The following TPD52 variants were observed in gnomAD, a reference collection of about 807,000 sequenced individuals.
TPD52 encodes the protein prostate and colon associated protein.
TPD52 carries 17 observed loss-of-function variants against 31.3 expected under a neutral mutation model. The observed-to-expected ratio is 0.54, with a 90% CI of 0.37 to 0.82. The LOEUF (loss-of-function observed/expected upper bound fraction) is 0.82. Ranked by LOEUF, TPD52 falls within the 40% of genes least tolerant of loss-of-function variation. TPD52 has a pLI of 0.00. For synonymous variants in TPD52, 83 were observed against 89.6 expected, an observed-to-expected ratio of 0.93 and a Z score of 0.42; for missense variants, 212 against 240.1, an observed-to-expected ratio of 0.88 and a Z score of 0.77.
At chr8:80,072,558 C>A (rs1813974171) in intron 1 of TPD52, among the ~76,000 whole-genome samples, 2 of 47,916 alleles carry the variant, frequency 4.2e-5, no homozygotes, top group South Asian at 1.5e-3. Flanking sequence ...CGTGTATATA[C>A]ATGTACACAT....
At chr8:80,107,087 G>A (rs1306355452) in intron 1 of TPD52, among the ~76,000 whole-genome samples, 6 of 151,842 alleles carry the variant, frequency 4.0e-5, no homozygotes, top group South Asian at 4.2e-4. Flanking sequence ...TCCTGACCTC[G>A]TGATCCGCCC....
chr8:80,077,191 C>T (rs1368113239), intron 1 of TPD52, among the ~76,000 whole-genome samples: 1 of 151,400 alleles, frequency 6.6e-6, no homozygotes, highest in Non-Finnish European at 1.5e-5. Flanking sequence ...AGAAGAATCG[C>T]TTAAACCCGG....
chr8:80,133,707 A>G (rs919349075), intron 1 of TPD52, among the ~76,000 whole-genome samples: 4 of 151,886 alleles, frequency 2.6e-5, no homozygotes, highest in Non-Finnish European at 5.9e-5. Flanking sequence ...GGAGCCCTAC[A>G]GAAACTATCT....
At chr8:80,137,212 G>A (rs563899767) in intron 1 of TPD52, among the ~76,000 whole-genome samples, 7 of 152,328 alleles carry the variant, frequency 4.6e-5, no homozygotes, top group African/African-American at 1.7e-4. Flanking sequence ...GGCACGGGAT[G>A]TGGAGTGGCT....
intron 1 of TPD52, among the ~76,000 whole-genome samples, chr8:80,156,530 T>C (rs2131228611): frequency 6.6e-6 from 1 of 152,242 alleles, no homozygotes; most frequent in Non-Finnish European, 1.5e-5. Context: ...GGGATGTTGA[T>C]GTGGGTAGAT....
intron 1 of TPD52, among the ~76,000 whole-genome samples, chr8:80,132,914 C>A (rs546580267): frequency 2.0e-5 from 3 of 152,220 alleles, no homozygotes; most frequent in South Asian, 2.1e-4. Context: ...GTTTAGTTAC[C>A]CTCAGTAATT....
chr8:80,112,694 T>C (rs552389602), intron 1 of TPD52, among the ~76,000 whole-genome samples: 2 of 152,330 alleles, frequency 1.3e-5, no homozygotes, highest in East Asian at 1.9e-4. Context: ...AAGCGACTTA[T>C]CAGTTCACAC....
downstream of TPD52, among the ~76,000 whole-genome samples, chr8:80,031,786 G>C (rs1014810471): frequency 2.6e-5 from 4 of 152,142 alleles, no homozygotes; most frequent in African/African-American, 9.7e-5. Context: ...GAGCCCAGGA[G>C]TTTGAGGCTG....
downstream of TPD52, among the ~76,000 whole-genome samples, chr8:80,032,026 G>C (rs2130280288): frequency 6.6e-6 from 1 of 152,034 alleles, no homozygotes; most frequent in East Asian, 1.9e-4. Context: ...GATGACACAT[G>C]GCTGTAATCC....
chr8:80,167,104 T>G (rs941917093), intron 1 of TPD52, among the ~76,000 whole-genome samples: 2 of 152,194 alleles, frequency 1.3e-5, no homozygotes, highest in Non-Finnish European at 2.9e-5. Context: ...TTTTTAAAAC[T>G]TCCACTAAAT....
At chr8:80,144,041 C>G (rs1810023895) in intron 1 of TPD52, among the ~76,000 whole-genome samples, 1 of 152,086 alleles carries the variant, frequency 6.6e-6, no homozygotes, top group Admixed American at 6.5e-5. Context: ...TCTTATACAA[C>G]AAAAATTTTA....
intron 1 of TPD52, among the ~76,000 whole-genome samples, chr8:80,111,211 CTAAAAA>C (rs1459442790): frequency 1.3e-5 from 2 of 152,064 alleles, no homozygotes; most frequent in Non-Finnish European, 2.9e-5. Flanking sequence ...GAGCCTGTCT[CTAAAAA>C]TAAAAATAAA....
At chr8:80,052,026 T>C (rs1346479494) in intron 3 of TPD52, among the ~76,000 whole-genome samples, 2 of 152,204 alleles carry the variant, frequency 1.3e-5, no homozygotes, top group Admixed American at 6.5e-5. Flanking sequence ...GATGCCTTTG[T>C]CAACTTGATT....
chr8:80,117,734 C>CTTTTTT (rs57998208), intron 1 of TPD52, among the ~76,000 whole-genome samples: 2 of 131,370 alleles, frequency 1.5e-5, no homozygotes, highest in African/African-American at 5.7e-5. Flanking sequence ...TTTTTTCTTT[C>CTTTTTT]TTTTTTTTTT....
intron 4 of TPD52, 137 bp downstream of exon 4, chr8:80,051,390 G>T (rs758573936): frequency 5.5e-6 from 4 of 733,766 alleles, no homozygotes; most frequent in Non-Finnish European, 9.3e-6. Context: ...CCAGGTACTG[G>T]TTTGAAGGAG....
intron 1 of TPD52, among the ~76,000 whole-genome samples, chr8:80,132,689 C>T (rs1446639066): frequency 6.6e-6 from 1 of 152,044 alleles, no homozygotes; most frequent in African/African-American, 2.4e-5. Context: ...TACAACATAC[C>T]AGGGTGAGGA....
chr8:80,154,295 G>A (rs969515306), intron 1 of TPD52, among the ~76,000 whole-genome samples: 1 of 152,240 alleles, frequency 6.6e-6, no homozygotes, highest in Non-Finnish European at 1.5e-5. Context: ...CAGGACTCCT[G>A]TGGAAGAGGC....
intron 2 of TPD52, among the ~76,000 whole-genome samples, chr8:80,058,093 T>C (rs1350488735): frequency 6.6e-6 from 1 of 152,170 alleles, no homozygotes; most frequent in East Asian, 1.9e-4. Flanking sequence ...TTTTATTTTG[T>C]TGATAATAAA....
chr8:80,157,722 G>C (rs916433319), intron 1 of TPD52, among the ~76,000 whole-genome samples: 1 of 152,104 alleles, frequency 6.6e-6, no homozygotes, highest in African/African-American at 2.4e-5. Flanking sequence ...GTCACCTCTA[G>C]ACTAAACTGC....
Sources: allele counts gnomAD v4.1 joint callset (sites outside exome capture counted in the v4.1 genomes callset), GRCh38; gene constraint gnomAD v4.1.1; transcripts MANE v1.5; gene names NCBI Gene and HGNC (gene_info 2026-07-23, HGNC 2026-07-21).